Variants in DDX10 observed in about 807,000 individuals in gnomAD.
DDX10 encodes the protein DEAD-box helicase 10.
A neutral mutation model predicts 104.3 loss-of-function variants in DDX10; 74 were observed. The ratio of observed to expected loss-of-function variants is 0.71; its 90% CI spans 0.59 to 0.86. The LOEUF (loss-of-function observed/expected upper bound fraction) is 0.86, where lower values mean the gene tolerates loss of function less well. Ranked by LOEUF, DDX10 falls within the 40% of genes least tolerant of loss-of-function variation. DDX10 has a pLI of 0.00. For synonymous variants in DDX10, 351 were observed against 353.4 expected, an observed-to-expected ratio of 0.99 and a Z score of 0.08; for missense variants, 952 against 1,040.0, an observed-to-expected ratio of 0.92 and a Z score of 1.16.
intron 16 of DDX10, among the ~76,000 whole-genome samples, chr11:108,857,647 T>C (rs1159848542): frequency 5.3e-5 from 8 of 152,230 alleles, no homozygotes; most frequent in African/African-American, 1.2e-4. Flanking sequence ...GTCACTCATA[T>C]TATGATTTCT....
At chr11:108,701,844 C>T (rs935151599) in intron 9 of DDX10, among the ~76,000 whole-genome samples, 1 of 151,922 alleles carries the variant, frequency 6.6e-6, no homozygotes, top group African/African-American at 2.4e-5. Flanking sequence ...CGCCACCATA[C>T]CTGGCTAATT....
intron 15 of DDX10, among the ~76,000 whole-genome samples, chr11:108,846,295 A>G (rs1794538156): frequency 6.6e-6 from 1 of 152,148 alleles, no homozygotes; most frequent in Non-Finnish European, 1.5e-5. Context: ...TCTTTTAGCT[A>G]TTTTGAAGTA....
intron 13 of DDX10, among the ~76,000 whole-genome samples, chr11:108,828,661 G>A (rs35244070): frequency 0.14 from 20,802 of 152,170 alleles, 1,568 homozygotes; most frequent in East Asian, 0.25. Flanking sequence ...CTATAGCTCC[G>A]TCGCCCAGGC....
intron 13 of DDX10, among the ~76,000 whole-genome samples, chr11:108,749,886 T>C (rs1426661293): frequency 6.6e-6 from 1 of 152,194 alleles, no homozygotes; most frequent in Non-Finnish European, 1.5e-5. Context: ...ATTTTACATG[T>C]AATTTTTTGG....
intron 16 of DDX10, 32 bp downstream of exon 16, chr11:108,852,241 C>T (rs1283512486): frequency 6.4e-7 from 1 of 1,570,924 alleles, no homozygotes; most frequent in African/African-American, 1.4e-5. Context: ...TTTTTCCAAG[C>T]TCTATTAAGG....
chr11:108,897,316 G>T (rs1390243340), intron 16 of DDX10, among the ~76,000 whole-genome samples: 1 of 152,130 alleles, frequency 6.6e-6, no homozygotes, highest in Non-Finnish European at 1.5e-5. Context: ...CCACACAAAG[G>T]CCTGACAACT....
Position 108,723,296 on chromosome 11 carries a change from A to G in DDX10, c.1799A>G (p.Lys600Arg). Residue 600 changes from lysine to arginine, a missense_variant, in exon 13 of 18, where the codon AAA becomes AGA. By Grantham distance (26) the Lys-to-Arg change is conservative. Coordinates refer to ENST00000322536, the MANE Select transcript of DDX10 (RefSeq NM_004398.4). The stretch of plus-strand genomic sequence containing the variant: ...ATGGAAGAGAAACTGGCAAAAGCAA[A>G]AGGATCTCAAGCCCCATCTCTTCCT... ...EEMEEKLAKAKGSQAPSLPNT... is the reference protein window; with the variant it reads ...EEMEEKLAKARGSQAPSLPNT... The G allele has an allele frequency of 6.2e-7, 1 of 1,613,826 alleles. No individual in the cohort carries two copies. The highest frequency in any genetic ancestry group is 8.5e-7 in the Non-Finnish European group (1 of 1,179,896).
At chr11:108,860,660 C>T (rs1384372871) in intron 16 of DDX10, 3 of 152,142 alleles carry the variant, frequency 2.0e-5, no homozygotes, top group Non-Finnish European at 4.4e-5. Flanking sequence ...ATTCTTGTGC[C>T]TTACCCTCCC....
At chr11:108,855,648 A>AC (rs1862857710) in intron 16 of DDX10, among the ~76,000 whole-genome samples, 2 of 152,028 alleles carry the variant, frequency 1.3e-5, no homozygotes, top group Non-Finnish European at 2.9e-5. Flanking sequence ...TTTAGTAGAG[A>AC]CAGAGTTTCA....
At chr11:108,919,328 T>C (rs563606270) in intron 17 of DDX10, 10 of 152,304 alleles carry the variant, frequency 6.6e-5, no homozygotes, top group South Asian at 6.2e-4. Flanking sequence ...TAGAAAAATA[T>C]ACAAATGTTT....
chr11:108,921,140 A>C (rs1863820256), intron 17 of DDX10: 1 of 152,230 alleles, frequency 6.6e-6, no homozygotes, highest in Non-Finnish European at 1.5e-5. Flanking sequence ...AATTATAAGT[A>C]GTAGCCTACA....
At chr11:108,780,160 C>A (rs1448518874) in intron 13 of DDX10, among the ~76,000 whole-genome samples, 1 of 152,094 alleles carries the variant, frequency 6.6e-6, no homozygotes, top group Non-Finnish European at 1.5e-5. Flanking sequence ...GTTTTGCCAC[C>A]TTGCTTTCCA....
At chr11:108,677,769 A>G (rs1023331796) in intron 4 of DDX10, among the ~76,000 whole-genome samples, 1 of 150,986 alleles carries the variant, frequency 6.6e-6, no homozygotes, top group African/African-American at 2.4e-5. Context: ...TTTTTATGCA[A>G]ACATGCACAA....
chr11:108,754,909 C>G (rs1055612842), intron 13 of DDX10, among the ~76,000 whole-genome samples: 1 of 151,972 alleles, frequency 6.6e-6, no homozygotes, highest in South Asian at 2.1e-4. Flanking sequence ...ACATTTACAT[C>G]TGTTTAATTT....
intron 16 of DDX10, among the ~76,000 whole-genome samples, chr11:108,879,699 C>T (rs986292862): frequency 1.7e-4 from 26 of 152,132 alleles, no homozygotes; most frequent in African/African-American, 6.0e-4. Flanking sequence ...TGACTCTCAC[C>T]AGCTCTGGAT....
intron 17 of DDX10, among the ~76,000 whole-genome samples, chr11:108,934,587 G>A (rs1864013662): frequency 6.6e-6 from 1 of 152,158 alleles, no homozygotes; most frequent in Non-Finnish European, 1.5e-5. Flanking sequence ...AGAGGAAGAG[G>A]AAACTGGGAA....
At chr11:108,890,593 C>T (rs1176977401) in intron 16 of DDX10, among the ~76,000 whole-genome samples, 1 of 151,622 alleles carries the variant, frequency 6.6e-6, no homozygotes, top group Non-Finnish European at 1.5e-5. Flanking sequence ...GGCCTCTACC[C>T]TGCATAGGGG....
rs187561447 is a variant in DDX10, at chr11:108,932,351, G to A, written c.2451-7895G>A. On this transcript the variant is annotated intron_variant, in intron 17 of 17. Transcript: ENST00000322536. ...TCTCTTTGAAAATGGGAACCAGGCCGAACATGGTGGTGTGCACCTTTAGTC... is the reference window on the plus strand; with the variant it reads ...TCTCTTTGAAAATGGGAACCAGGCCAAACATGGTGGTGTGCACCTTTAGTC... 1.8e-3 allele frequency among the ~76,000 whole-genome samples: 267 copies of A among 152,042 alleles called. 1 individual carries two copies. Among genetic ancestry groups the A allele is most frequent in the Non-Finnish European group, 2.2e-3 (148 of 68,020 alleles).
chr11:108,706,362 T>A (rs2094276212), intron 9 of DDX10, among the ~76,000 whole-genome samples: 1 of 152,172 alleles, frequency 6.6e-6, no homozygotes, highest in Admixed American at 6.6e-5. Context: ...TGATTTTTTT[T>A]TAAAAAAAGT....
Sources: gnomAD v4.1 joint callset for allele counts (sites outside exome capture counted in the v4.1 genomes callset) on GRCh38, gnomAD v4.1.1 for gene constraint, MANE v1.5 for transcripts, NCBI Gene and HGNC (gene_info 2026-07-23, HGNC 2026-07-21) for gene names.